Variants in EDAR observed in about 807,000 individuals in gnomAD.
The protein encoded by EDAR is ectodysplasin A receptor, also known as tumor necrosis factor receptor superfamily member EDAR.
EDAR carries 38 observed loss-of-function variants against 51.3 expected under a neutral mutation model. That is an observed-to-expected ratio of 0.74 (90% confidence interval 0.57 to 0.97). The LOEUF (loss-of-function observed/expected upper bound fraction) is 0.97, where lower values mean the gene tolerates loss of function less well. Among genes scored for constraint, EDAR ranks in the 50% least tolerant of loss-of-function variants. The pLI is 0.00. For synonymous variants in EDAR, 227 were observed against 242.1 expected (o/e 0.94, Z 0.58); for missense variants, 528 against 595.0 (o/e 0.89, Z 1.17).
At chr2:108,935,049 G>A (rs1008434801) in intron 1 of EDAR, among the ~76,000 whole-genome samples, 5 of 152,308 alleles carry the variant, frequency 3.3e-5, no homozygotes, top group African/African-American at 1.2e-4. Context: ...GTTACCTAGT[G>A]CCTGTAGGCA....
At chr2:108,939,864 GT>G (rs1325697535) in intron 1 of EDAR, among the ~76,000 whole-genome samples, 12 of 152,274 alleles carry the variant, frequency 7.9e-5, no homozygotes, top group African/African-American at 2.9e-4. Context: ...AGCCATTCCT[GT>G]TGGATCTGGA....
rs1490291830 is a variant in EDAR at position 108,896,919 on chromosome 2, A to C, written c.1335T>G (p.His445Gln). The change falls in exon 12 of 12, where the codon CAT becomes CAG. Residue 445 changes from histidine (H) to glutamine (Q), a missense_variant. By Grantham distance (24) the His-to-Gln change is conservative. Coordinates refer to ENST00000258443, the MANE Select transcript of EDAR (RefSeq NM_022336.4). ...ACAGGCATGCTTTTCAGGATGCAGC[A>C]TGTGGCTGGGAGGCAGGTGGCACAA... ...AGVVPPASQP[H>Q]AAS The C allele has an allele frequency of 6.2e-7, 1 of 1,612,424 alleles. No homozygotes were observed. The highest frequency in any genetic ancestry group is 8.5e-7 in the Non-Finnish European group (1 of 1,179,404).
chr2:108,944,761 G>A (rs1460667722), intron 1 of EDAR, among the ~76,000 whole-genome samples: 2 of 152,150 alleles, frequency 1.3e-5, no homozygotes, highest in Non-Finnish European at 1.5e-5. Context: ...GCACAGAGCC[G>A]GTCCCAGACC....
chr2:108,971,581 G>A (rs1026682274), intron 1 of EDAR, among the ~76,000 whole-genome samples: 4 of 151,796 alleles, frequency 2.6e-5, no homozygotes, highest in Non-Finnish European at 5.9e-5. Context: ...CAGAATGAAT[G>A]AAGGTGTGAG....
intron 1 of EDAR, among the ~76,000 whole-genome samples, chr2:108,971,104 G>A (rs1558839852): frequency 6.6e-6 from 1 of 152,124 alleles, no homozygotes; most frequent in African/African-American, 2.4e-5. Context: ...CACCCCCTCC[G>A]ACTCAGTCCT....
At chr2:108,905,174 C>A (rs1282918917) in intron 11 of EDAR, among the ~76,000 whole-genome samples, 1 of 152,168 alleles carries the variant, frequency 6.6e-6, no homozygotes, top group African/African-American at 2.4e-5. Flanking sequence ...GCAGGTGACT[C>A]TAATGTTCAT....
chr2:108,918,069 G>A (rs372701769), intron 5 of EDAR, among the ~76,000 whole-genome samples: 1 of 152,164 alleles, frequency 6.6e-6, no homozygotes, highest in Non-Finnish European at 1.5e-5. Context: ...GTCTAAAAGA[G>A]GTTTGGGCAA....
chr2:108,925,566 TCAAGCTATG>T (rs768054379), intron 4 of EDAR, among the ~76,000 whole-genome samples: 1 of 152,170 alleles, frequency 6.6e-6, no homozygotes, highest in Admixed American at 6.5e-5. Flanking sequence ...TGTGTATGGG[TCAAGCTATG>T]CAACCTATCA....
chr2:108,982,134 A>T (rs935289962), intron 1 of EDAR, among the ~76,000 whole-genome samples: 6 of 152,254 alleles, frequency 3.9e-5, no homozygotes, highest in Non-Finnish European at 8.8e-5. Flanking sequence ...AATAGGGGCC[A>T]GGTCTTTTAT....
intron 1 of EDAR, among the ~76,000 whole-genome samples, chr2:108,978,019 C>T (rs576376743): frequency 6.6e-6 from 1 of 152,324 alleles, no homozygotes; most frequent in South Asian, 2.1e-4. Context: ...CCAACTTCAT[C>T]CACAGAACAG....
chr2:108,986,844 G>A (rs147589354), intron 1 of EDAR, among the ~76,000 whole-genome samples: 29 of 152,320 alleles, frequency 1.9e-4, no homozygotes, highest in Admixed American at 7.2e-4. Flanking sequence ...GCATTGAGAT[G>A]GAGGCGGCAT....
intron 5 of EDAR, 49 bp from the exon 6 acceptor site, chr2:108,912,813 C>A (rs1470646874): frequency 2.7e-6 from 4 of 1,462,684 alleles, no homozygotes; most frequent in Non-Finnish European, 3.7e-6. Context: ...GCTCCACCTT[C>A]AAAGACGCTG....
intron 4 of EDAR, 30 bp downstream of exon 4, chr2:108,929,168 C>T: frequency 6.2e-7 from 1 of 1,613,240 alleles, no homozygotes; most frequent in Non-Finnish European, 8.5e-7. Flanking sequence ...AGAAAGCATG[C>T]CAGGGTTTGC....
At position 108,907,446 on chromosome 2, in the gene EDAR, G is replaced by A. The variant is rs1203899579; in HGVS notation, c.963+414C>T. On this transcript the variant is annotated intron_variant, in intron 10 of 11. Transcript: ENST00000258443. The stretch of plus-strand genomic sequence containing the variant: ...GGATTGCCTGAACTCAGGAGTTTGA[G>A]AGCAGCCTGGGCAACACAGTGAAAC... Among the ~76,000 whole-genome samples the A allele has an allele frequency of 2.0e-5, 3 of 152,194 alleles. No individual in the cohort carries two copies. The East Asian group carries it at 5.8e-4, about 29-fold the overall frequency.
intron 1 of EDAR, among the ~76,000 whole-genome samples, chr2:108,933,204 G>A (rs936963641): frequency 2.0e-5 from 3 of 152,202 alleles, no homozygotes; most frequent in Non-Finnish European, 4.4e-5. Context: ...GGTCTGGAGC[G>A]ATGCCTGCTG....
intron 1 of EDAR, among the ~76,000 whole-genome samples, chr2:108,945,332 C>T (rs1697694770): frequency 2.0e-5 from 3 of 152,142 alleles, no homozygotes; most frequent in Non-Finnish European, 4.4e-5. Flanking sequence ...TCCAGCAGTT[C>T]CAAGGCCATT....
intron 5 of EDAR, among the ~76,000 whole-genome samples, chr2:108,915,587 C>T (rs985767652): frequency 1.3e-5 from 2 of 152,226 alleles, no homozygotes; most frequent in African/African-American, 4.8e-5. Flanking sequence ...TACTTGGCCT[C>T]AGAACCAGTG....
chr2:108,972,227 C>T (rs1300014958), intron 1 of EDAR, among the ~76,000 whole-genome samples: 1 of 152,268 alleles, frequency 6.6e-6, no homozygotes, highest in Non-Finnish European at 1.5e-5. Flanking sequence ...AATACGCCTT[C>T]CAGTCCTTTG....
chr2:108,912,464 C>T (rs756145364), intron 6 of EDAR, among the ~76,000 whole-genome samples: 7 of 152,182 alleles, frequency 4.6e-5, no homozygotes, highest in Non-Finnish European at 8.8e-5. Flanking sequence ...CACCTCCCAG[C>T]GGTCCCAGGA....
Sources: gnomAD v4.1 joint callset for allele counts (sites outside exome capture counted in the v4.1 genomes callset) on GRCh38, gnomAD v4.1.1 for gene constraint, MANE v1.5 for transcripts, NCBI Gene and HGNC (gene_info 2026-07-23, HGNC 2026-07-21) for gene names.